DOCK4: variants seen among roughly 807,000 people sequenced by gnomAD.
DOCK4 encodes the protein dedicator of cytokinesis 4, also known as dedicator of cytokinesis protein 4.
In DOCK4, 97 loss-of-function variants were observed where a neutral mutation model predicts 268.1. The observed-to-expected ratio is 0.36, with a 90% CI of 0.31 to 0.43. The LOEUF is 0.43. DOCK4 is among the 20% of genes least tolerant of loss of function. The pLI, the probability that DOCK4 is intolerant of heterozygous loss-of-function variation, is 1.00. For missense variants in DOCK4, 2,145 were observed against 2,455.7 expected (o/e 0.87, Z 2.67); for synonymous variants, 954 against 887.2 (o/e 1.08, Z -1.34).
At chr7:112,067,472 C>T (rs192831463) in intron 1 of DOCK4, among the ~76,000 whole-genome samples, 30 of 151,804 alleles carry the variant, frequency 2.0e-4, no homozygotes, top group African/African-American at 6.5e-4. Flanking sequence ...TAAGAAGGTA[C>T]GACTTCAGCT....
At chr7:111,760,480 T>C (rs1219077260) in intron 39 of DOCK4, among the ~76,000 whole-genome samples, 158 bp from the exon 40 acceptor site, 1 of 152,168 alleles carries the variant, frequency 6.6e-6, no homozygotes, top group African/African-American at 2.4e-5. Context: ...TGCCCAATTG[T>C]TAAAAATGCA....
chr7:111,781,714 G>T (rs892222976), intron 35 of DOCK4, among the ~76,000 whole-genome samples: 5 of 152,142 alleles, frequency 3.3e-5, no homozygotes, highest in African/African-American at 1.2e-4. Context: ...AGTACAGCAA[G>T]ACATGAGGAA....
intron 1 of DOCK4, among the ~76,000 whole-genome samples, chr7:112,039,196 T>C (rs919395436): frequency 6.6e-6 from 1 of 152,194 alleles, no homozygotes; most frequent in East Asian, 1.9e-4. Flanking sequence ...CATTCCACTC[T>C]TAAGTATAAG....
intron 49 of DOCK4, 45 bp downstream of exon 49, chr7:111,739,089 C>A: frequency 6.5e-7 from 1 of 1,544,932 alleles, no homozygotes; most frequent in South Asian, 1.1e-5. Context: ...TAAGCAATTC[C>A]AGAATTGTCC....
intron 34 of DOCK4, 73 bp downstream of exon 34, chr7:111,783,784 T>C (rs1161085874): frequency 3.1e-6 from 4 of 1,292,228 alleles, no homozygotes; most frequent in South Asian, 2.6e-5. Context: ...GGAACGTTGA[T>C]TGTATTCTAT....
intron 8 of DOCK4, among the ~76,000 whole-genome samples, chr7:111,959,512 A>C (rs1796699045): frequency 6.6e-6 from 1 of 152,208 alleles, no homozygotes; most frequent in South Asian, 2.1e-4. Context: ...ATGAGACGAG[A>C]AATACTAGCA....
chr7:111,859,386 TG>T (rs1442258106), intron 23 of DOCK4, among the ~76,000 whole-genome samples: 2 of 152,130 alleles, frequency 1.3e-5, no homozygotes, highest in Non-Finnish European at 2.9e-5. Context: ...TTCCATATTT[TG>T]GTGATGCTAT....
chr7:111,920,234 G>A (rs1792990081), intron 12 of DOCK4, among the ~76,000 whole-genome samples: 2 of 152,114 alleles, frequency 1.3e-5, no homozygotes, highest in Admixed American at 1.3e-4. Context: ...ATAGCATAGT[G>A]AGGTGGTTAA....
chr7:111,763,473 C>T (rs914413540), intron 39 of DOCK4, among the ~76,000 whole-genome samples: 9 of 152,220 alleles, frequency 5.9e-5, no homozygotes, highest in African/African-American at 2.2e-4. Context: ...TTGATTTATT[C>T]TAATTGACTT....
At chr7:111,971,801 G>T in intron 8 of DOCK4, 1 of 300,680 alleles carries the variant, frequency 3.3e-6, no homozygotes, top group Non-Finnish European at 6.3e-6. Context: ...CCACTTACGG[G>T]GGATGGCTCT....
intron 1 of DOCK4, among the ~76,000 whole-genome samples, chr7:112,184,210 C>T (rs1563166157): frequency 6.6e-6 from 1 of 152,228 alleles, no homozygotes; most frequent in Non-Finnish European, 1.5e-5. Flanking sequence ...CACACTCCAA[C>T]GTAGACCTAG....
At chr7:111,814,775 A>C (rs969791497) in intron 27 of DOCK4, among the ~76,000 whole-genome samples, 4 of 152,134 alleles carry the variant, frequency 2.6e-5, no homozygotes, top group African/African-American at 9.7e-5. Context: ...TCACCCTCTT[A>C]TCAGGGCTGC....
intron 1 of DOCK4, among the ~76,000 whole-genome samples, chr7:112,025,949 C>T (rs551717949): frequency 1.2e-4 from 19 of 152,330 alleles, no homozygotes; most frequent in Non-Finnish European, 1.9e-4. Context: ...TGGGGCTTCA[C>T]CTTGGAACTC....
intron 16 of DOCK4, 109 bp from the exon 17 acceptor site, chr7:111,877,295 G>T: frequency 1.0e-6 from 1 of 961,004 alleles, no homozygotes; most frequent in Non-Finnish European, 1.4e-6. Context: ...ATTCCAAACA[G>T]TATTACAAGT....
intron 1 of DOCK4, among the ~76,000 whole-genome samples, chr7:112,201,118 A>G (rs1820894859): frequency 6.6e-6 from 1 of 152,214 alleles, no homozygotes; most frequent in African/African-American, 2.4e-5. Flanking sequence ...AACTAAGAGT[A>G]AAGGAAACAC....
intron 1 of DOCK4, among the ~76,000 whole-genome samples, chr7:112,024,479 A>G (rs1038070338): frequency 1.3e-5 from 2 of 152,182 alleles, no homozygotes; most frequent in African/African-American, 4.8e-5. Context: ...TGCTCAGGCC[A>G]AAAGTCCTTT....
chr7:112,033,484 G>C (rs1803465342), intron 1 of DOCK4, among the ~76,000 whole-genome samples: 1 of 152,108 alleles, frequency 6.6e-6, no homozygotes, highest in Non-Finnish European at 1.5e-5. Flanking sequence ...TACTTTTCAA[G>C]GTGTACCCTA....
At chr7:111,927,361 T>A (rs1793805494) in intron 12 of DOCK4, among the ~76,000 whole-genome samples, 1 of 152,198 alleles carries the variant, frequency 6.6e-6, no homozygotes, top group Non-Finnish European at 1.5e-5. Flanking sequence ...AAGCAATACA[T>A]AATGTCACAG....
chr7:112,004,845 A>G (rs1800725365), intron 1 of DOCK4, among the ~76,000 whole-genome samples: 1 of 152,206 alleles, frequency 6.6e-6, no homozygotes, highest in Admixed American at 6.5e-5. Flanking sequence ...AATGGTTTAG[A>G]TTAATTGGTT....
Sources: allele counts gnomAD v4.1 joint callset (sites outside exome capture counted in the v4.1 genomes callset), GRCh38; gene constraint gnomAD v4.1.1; transcripts MANE v1.5; gene names NCBI Gene and HGNC (gene_info 2026-07-23, HGNC 2026-07-21).